PEX14: variants seen among roughly 807,000 people sequenced by gnomAD.
PEX14 encodes peroxisomal biogenesis factor 14.
Under a neutral mutation model 49.5 loss-of-function variants are expected in PEX14, and 15 were observed. The observed-to-expected ratio is 0.30, with a 90% CI of 0.20 to 0.47. The LOEUF (loss-of-function observed/expected upper bound fraction) is 0.47. Among genes scored for constraint, PEX14 ranks in the 20% least tolerant of loss-of-function variants. The pLI is 1.00. For missense variants in PEX14, 398 were observed against 494.8 expected (o/e 0.80, Z 1.86); for synonymous variants, 210 against 212.7 (o/e 0.99, Z 0.11).
In PEX14 at chr1:10,494,752, T is replaced by G. The variant is rs1432363971; in HGVS notation, c.37-522T>G. ...TAGTGGCAGGTGATGAATAGGAACC[T>G]GTGTAGTTTACTGGCTTCTGGGCTC... On this transcript the variant is annotated intron_variant, in intron 1 of 8. Transcript: ENST00000356607. The surrounding 1 kb of genome is among the most constrained non-coding windows in gnomAD (Gnocchi z 4.3). 1.3e-5 allele frequency among the ~76,000 whole-genome samples: 2 copies of G among 152,196 alleles called. No homozygotes were observed. Among genetic ancestry groups the G allele is most frequent in the East Asian group, 3.9e-4 (2 of 5,188 alleles).
chr1:10,630,353 C>G lies in PEX14; in HGVS notation c.*366C>G, dbSNP rs543018213. 3.7e-5 allele frequency: 12 copies of G among 324,840 alleles called. No individual in the cohort carries two copies. Among genetic ancestry groups the G allele is most frequent in the African/African-American group, 6.4e-5 (3 of 47,170 alleles). The allele number at this position is 324,840 out of a possible 1,614,324, so 20.1% of individuals were successfully genotyped here. A position where few individuals can be genotyped will look rare whatever the true frequency, so the allele number is the denominator to read the frequency against. ...GAGTGTCTTGACTACCGTGACACCA[C>G]GCATGGCCAGAGCTAGCGTCCCTAC... On this transcript the variant is annotated 3_prime_UTR_variant, in exon 9 of 9. Coordinates refer to ENST00000356607, the MANE Select transcript of PEX14 (RefSeq NM_004565.3). This position sits in a 1 kb window ranked among gnomAD's most constrained non-coding sequence, Gnocchi z 4.1.
intron 4 of PEX14, among the ~76,000 whole-genome samples, chr1:10,618,076 C>T (rs181419137): frequency 1.4e-4 from 22 of 152,358 alleles, no homozygotes; most frequent in African/African-American, 5.3e-4. Flanking sequence ...CAGCTCACTG[C>T]TAGATACCTC....
intron 2 of PEX14, among the ~76,000 whole-genome samples, chr1:10,533,425 CTT>C (rs1430687629): frequency 2.0e-5 from 3 of 152,252 alleles, no homozygotes; most frequent in Non-Finnish European, 2.9e-5. Context: ...TGTGCCGGGA[CTT>C]TGTCAAATTC....
intron 3 of PEX14, among the ~76,000 whole-genome samples, chr1:10,563,016 A>G (rs1639695324): frequency 6.7e-6 from 1 of 150,056 alleles, no homozygotes; most frequent in African/African-American, 2.4e-5. Flanking sequence ...GGTTCAAGCA[A>G]TTCTCCTGCC....
chr1:10,585,399 T>C (rs1411567971), intron 3 of PEX14, among the ~76,000 whole-genome samples: 1 of 152,080 alleles, frequency 6.6e-6, no homozygotes, highest in East Asian at 1.9e-4. Flanking sequence ...ATATGAAAGA[T>C]ATAAACCCCC....
At chr1:10,528,427 A>G (rs767011791) in intron 2 of PEX14, 1 of 291,436 alleles carries the variant, frequency 3.4e-6, no homozygotes, top group Non-Finnish European at 5.1e-6. Flanking sequence ...ACTAGGAAAT[A>G]GAGGCAGTGT....
chr1:10,579,840 G>A (rs1302396242), intron 3 of PEX14, among the ~76,000 whole-genome samples: 1 of 152,006 alleles, frequency 6.6e-6, no homozygotes, highest in Non-Finnish European at 1.5e-5. Flanking sequence ...TATCAGCAAG[G>A]TCTTTATGAC....
chr1:10,624,342 A>T lies in PEX14; in HGVS notation c.490A>T (p.Thr164Ser). The change falls in exon 7 of 9, where the codon ACT becomes TCT. Residue 164 changes from threonine to serine, a missense_variant and splice_region_variant. Thr to Ser is a moderately conservative substitution (Grantham distance 58). Coordinates refer to ENST00000356607, the MANE Select transcript of PEX14 (RefSeq NM_004565.3). ...CCGTGACTGCTTTCTCCTCGCAGTG[A>T]CTCAGTTACAGACGACCCTCGCCTC... Reference protein sequence around the residue: ...ELSGSVAQTVTQLQTTLASVQ... With the variant: ...ELSGSVAQTVSQLQTTLASVQ... The T allele has an allele frequency of 6.2e-7, 1 of 1,607,084 alleles. No homozygotes were observed. The highest frequency in any genetic ancestry group is 8.5e-7 in the Non-Finnish European group (1 of 1,173,982).
Position 10,558,328 on chromosome 1 carries a change from C to T in PEX14, c.169+22031C>T, listed in dbSNP as rs1639554420. 3.9e-5 allele frequency among the ~76,000 whole-genome samples: 6 copies of T among 152,176 alleles called. 1 individual carries two copies. The South Asian group carries it at 1.0e-3, about 26-fold the overall frequency. On this transcript the variant is annotated intron_variant, in intron 3 of 8. Transcript: ENST00000356607. ...CGGCCTGCTTGTATATTTCTTAAGA[C>T]ATTTTAGAATCACTTTTATCATCTT...
intron 3 of PEX14, among the ~76,000 whole-genome samples, chr1:10,559,538 CACTGCCTGG>C (rs1639587473): frequency 6.6e-6 from 1 of 152,148 alleles, no homozygotes; most frequent in Non-Finnish European, 1.5e-5. Flanking sequence ...GAGACAAAGC[CACTGCCTGG>C]AGAGGATGGT....
chr1:10,621,001 TG>T (rs1382747784), intron 5 of PEX14, among the ~76,000 whole-genome samples: 1 of 152,204 alleles, frequency 6.6e-6, no homozygotes, highest in East Asian at 1.9e-4. Context: ...GGAGGGCCTG[TG>T]GCCTGACGGG....
intron 4 of PEX14, among the ~76,000 whole-genome samples, chr1:10,600,217 C>T (rs1299763728): frequency 1.3e-5 from 2 of 152,040 alleles, no homozygotes; most frequent in Admixed American, 6.6e-5. Flanking sequence ...GTCAGGAGTT[C>T]GAGACCAGCC....
intron 2 of PEX14, among the ~76,000 whole-genome samples, chr1:10,501,905 C>T (rs540935159): frequency 3.1e-4 from 47 of 152,112 alleles, no homozygotes; most frequent in Non-Finnish European, 5.6e-4. Flanking sequence ...AGTAAGACTC[C>T]GTCTCAAAAC....
rs1417924011 is a variant in PEX14, at chr1:10,529,587, G to A, written c.85-6626G>A. On this transcript the variant is annotated intron_variant, in intron 2 of 8. Transcript: ENST00000356607. The surrounding 1 kb of genome is among the most constrained non-coding windows in gnomAD (Gnocchi z 4.2). ...AAGGCCAAGGGAAAAAAAATAAATG[G>A]CAGAGATATTTCACTTTGAAAGGTA... Among the ~76,000 whole-genome samples, 1 of 152,158 alleles carries A rather than the reference G, an allele frequency of 6.6e-6. No homozygotes were observed. Among genetic ancestry groups the A allele is most frequent in the Non-Finnish European group, 1.5e-5 (1 of 68,032 alleles).
At chr1:10,498,153 G>A (rs647281) in intron 2 of PEX14, among the ~76,000 whole-genome samples, 11,426 of 152,164 alleles carry the variant, frequency 0.075, 747 homozygotes, top group East Asian at 0.28. Context: ...GGTGCCTCAT[G>A]CCTATACTCT....
At chr1:10,530,419 C>T (rs544769662) in intron 2 of PEX14, among the ~76,000 whole-genome samples, 2 of 152,250 alleles carry the variant, frequency 1.3e-5, no homozygotes, top group Non-Finnish European at 2.9e-5. Context: ...GCGGAGCGGC[C>T]GCCCCGGCCT....
rs944910918 is a variant in PEX14 at position 10,629,078 on chromosome 1, G to T, written c.678-453G>T. Among the ~76,000 whole-genome samples, 5 of 152,240 alleles carry T rather than the reference G, an allele frequency of 3.3e-5. No individual in the cohort carries two copies. Among genetic ancestry groups the T allele is most frequent in the Non-Finnish European group, 7.3e-5 (5 of 68,038 alleles). Reference sequence around the variant, plus strand: ...CCAGGGCTCCCTGCCTCCACCTTTTGCTCAGGCCATAGACAAATGAGGACT... The same window carrying T: ...CCAGGGCTCCCTGCCTCCACCTTTTTCTCAGGCCATAGACAAATGAGGACT... On this transcript the variant is annotated intron_variant, in intron 8 of 8. Transcript: ENST00000356607. This position sits in a 1 kb window ranked among gnomAD's most constrained non-coding sequence, Gnocchi z 8.5.
chr1:10,561,504 A>C (rs1031968180), intron 3 of PEX14, among the ~76,000 whole-genome samples: 1 of 152,238 alleles, frequency 6.6e-6, no homozygotes, highest in African/African-American at 2.4e-5. Context: ...ACAGTTAGTA[A>C]GTAATGTTGT....
intron 2 of PEX14, among the ~76,000 whole-genome samples, chr1:10,533,206 G>T (rs527666143): frequency 1.8e-4 from 28 of 152,116 alleles, no homozygotes; most frequent in African/African-American, 6.5e-4. Flanking sequence ...CTATTTGAGT[G>T]CTTTATATTT....
Sources: gnomAD v4.1 joint callset for allele counts (sites outside exome capture counted in the v4.1 genomes callset) on GRCh38, gnomAD v4.1.1 for gene constraint, Gnocchi (gnomAD v3.1) non-coding constraint, MANE v1.5 for transcripts, NCBI Gene and HGNC (gene_info 2026-07-23, HGNC 2026-07-21) for gene names.